Variants in PARD3B observed in about 807,000 individuals in gnomAD.
The protein encoded by PARD3B is partitioning defective 3 homolog B.
PARD3B carries 103 observed loss-of-function variants against 130.2 expected under a neutral mutation model. The observed-to-expected ratio is 0.79, with a 90% confidence interval of 0.67 to 0.93. The LOEUF (loss-of-function observed/expected upper bound fraction) is 0.93, where lower values mean the gene tolerates loss of function less well. Ranked by LOEUF, PARD3B falls within the 40% of genes least tolerant of loss-of-function variation. The pLI is 0.00. For missense variants in PARD3B, 1,609 were observed against 1,499.2 expected, an observed-to-expected ratio of 1.07 and a Z score of -1.21; for synonymous variants, 583 against 553.2, an observed-to-expected ratio of 1.05 and a Z score of -0.76.
At chr2:204,876,840 C>T (rs1006440853) in intron 2 of PARD3B, among the ~76,000 whole-genome samples, 5 of 152,156 alleles carry the variant, frequency 3.3e-5, no homozygotes, top group South Asian at 2.1e-4. Context: ...TAAATCAAAG[C>T]GCTCCACTGT....
In PARD3B at chr2:205,461,262, T is replaced by A. The variant is rs541750557; in HGVS notation, c.3044+20590T>A. Reference sequence around the variant, plus strand: ...GCTGAAAGAGGCATGAAAGGCACTCTGGGCAGAGGAGCAGCATGGGGGATG... The same window carrying A: ...GCTGAAAGAGGCATGAAAGGCACTCAGGGCAGAGGAGCAGCATGGGGGATG... On this transcript the variant is annotated intron_variant, in intron 20 of 22. Transcript: ENST00000406610. This position sits in a 1 kb window ranked among gnomAD's most constrained non-coding sequence, Gnocchi z 4.3. 1.3e-5 allele frequency among the ~76,000 whole-genome samples: 2 copies of A among 152,268 alleles called. No individual in the cohort carries two copies. The highest frequency in any genetic ancestry group is 4.1e-4 in the South Asian group (2 of 4,824).
At chr2:204,691,454 A>G (rs186593611) in intron 2 of PARD3B, among the ~76,000 whole-genome samples, 8 of 152,170 alleles carry the variant, frequency 5.3e-5, no homozygotes, top group Non-Finnish European at 8.8e-5. Flanking sequence ...TGCCCACTGG[A>G]TCACATGTGA....
chr2:205,102,514 G>C (rs950516965), intron 4 of PARD3B, among the ~76,000 whole-genome samples: 9 of 151,890 alleles, frequency 5.9e-5, no homozygotes, highest in South Asian at 2.1e-4. Flanking sequence ...GAATGTTTGA[G>C]AGCTTTCAAA....
At position 205,021,625 on chromosome 2, in the gene PARD3B, T is replaced by C. The variant is rs867503505; in HGVS notation, c.395-25956T>C. ...CTCTCTCTCTCTCTCTCTCTCCCTC[T>C]CTCTTTCTCTCTCTCTCTCTCTCTC... On this transcript the variant is annotated intron_variant, in intron 3 of 22. Transcript: ENST00000406610. This position sits in a 1 kb window ranked among gnomAD's most constrained non-coding sequence, Gnocchi z 4.5. Among the ~76,000 whole-genome samples the C allele has an allele frequency of 3.2e-5, 4 of 126,152 alleles. No individual in the cohort carries two copies. Among genetic ancestry groups the C allele is most frequent in the Admixed American group, 8.9e-5 (1 of 11,186 alleles). The allele number at this position is 126,152 out of a possible 152,430, so 82.8% of individuals were successfully genotyped here. A position where few individuals can be genotyped will look rare whatever the true frequency, so the allele number is the denominator to read the frequency against.
At position 204,677,464 on chromosome 2, in the gene PARD3B, C is replaced by T. The variant is rs867395189; in HGVS notation, c.121-8717C>T. On this transcript the variant is annotated intron_variant, in intron 1 of 22. Transcript: ENST00000406610. The surrounding 1 kb of genome is among the most constrained non-coding windows in gnomAD (Gnocchi z 4.1). ...GCAAAGTGTTTTCCTTTTTGTTCTC[C>T]AATTTAGACAAGCCTCAATTAATTC... 2.0e-5 allele frequency among the ~76,000 whole-genome samples: 3 copies of T among 152,136 alleles called. No individual in the cohort carries two copies. The highest frequency in any genetic ancestry group is 3.8e-4 in the East Asian group (2 of 5,198).
At chr2:205,136,635 C>T (rs1025575244) in intron 10 of PARD3B, among the ~76,000 whole-genome samples, 1 of 152,140 alleles carries the variant, frequency 6.6e-6, no homozygotes, top group Non-Finnish European at 1.5e-5. Flanking sequence ...TCTTTAGACC[C>T]TTGACTTCCC....
At chr2:204,962,994 A>G (rs1016566438) in intron 2 of PARD3B, among the ~76,000 whole-genome samples, 1 of 152,244 alleles carries the variant, frequency 6.6e-6, no homozygotes, top group African/African-American at 2.4e-5. Context: ...TGGAATTCAC[A>G]TTCTTTAGGG....
intron 2 of PARD3B, among the ~76,000 whole-genome samples, chr2:204,722,315 C>G (rs2039033298): frequency 6.6e-6 from 1 of 152,162 alleles, no homozygotes; most frequent in African/African-American, 2.4e-5. Flanking sequence ...AATGGCATAA[C>G]AATAAATGTC....
chr2:205,455,737 C>A (rs1163029714), intron 20 of PARD3B, among the ~76,000 whole-genome samples: 1 of 151,866 alleles, frequency 6.6e-6, no homozygotes, highest in Non-Finnish European at 1.5e-5. Flanking sequence ...GTTCCTTGTA[C>A]CCTTCACCCA....
At chr2:204,847,688 A>G (rs10932088) in intron 2 of PARD3B, among the ~76,000 whole-genome samples, 42,122 of 152,082 alleles carry the variant, frequency 0.28, 10,999 homozygotes, top group African/African-American at 0.69. Context: ...CAGCTGTGGT[A>G]GTACTTCAGT....
chr2:204,553,695 T>TATATAC (rs1372888110), intron 1 of PARD3B, among the ~76,000 whole-genome samples: 29 of 90,708 alleles, frequency 3.2e-4, no homozygotes, highest in African/African-American at 9.3e-4. Flanking sequence ...TATATATATA[T>TATATAC]ACACACATAT....
At chr2:205,581,305 TAG>T (rs954998052) in intron 22 of PARD3B, among the ~76,000 whole-genome samples, 2 of 148,186 alleles carry the variant, frequency 1.3e-5, no homozygotes, top group African/African-American at 4.9e-5. Flanking sequence ...TATAGATAGA[TAG>T]ATAGATCCTG....
chr2:205,101,911 T>A (rs1046607350), intron 4 of PARD3B, among the ~76,000 whole-genome samples: 2 of 152,302 alleles, frequency 1.3e-5, no homozygotes, highest in East Asian at 3.9e-4. Flanking sequence ...TTGAGGTTTC[T>A]TTTTGGGGTG....
At chr2:204,591,325 A>C (rs1016021098) in intron 1 of PARD3B, among the ~76,000 whole-genome samples, 1 of 152,224 alleles carries the variant, frequency 6.6e-6, no homozygotes, top group Non-Finnish European at 1.5e-5. Context: ...CATGGATTTG[A>C]AATGAGCATC....
intron 15 of PARD3B, among the ~76,000 whole-genome samples, chr2:205,210,255 A>C (rs1271705636): frequency 6.6e-6 from 1 of 151,868 alleles, no homozygotes. Flanking sequence ...ATAAAAAGAA[A>C]ATCAGCTTTA....
At chr2:205,537,010 C>A (rs1187009570) in intron 21 of PARD3B, among the ~76,000 whole-genome samples, 1 of 152,150 alleles carries the variant, frequency 6.6e-6, no homozygotes, top group Non-Finnish European at 1.5e-5. Context: ...ATAAGAAGTT[C>A]TTTGCAATAT....
chr2:204,596,928 CTCTCTCTCTCTATCTG>C (rs1453006498), intron 1 of PARD3B, among the ~76,000 whole-genome samples: 3 of 151,748 alleles, frequency 2.0e-5, no homozygotes, highest in South Asian at 4.2e-4. Context: ...CTCTCTCTCT[CTCTCTCTCTCTATCTG>C]TCTCTCTCTC....
At chr2:205,035,557 A>G (rs10166926) in intron 3 of PARD3B, among the ~76,000 whole-genome samples, 149,764 of 151,718 alleles carry the variant, frequency 0.99, 73,933 homozygotes, top group Middle Eastern at 1. Flanking sequence ...TACTTACAGT[A>G]CTGGTGCAAA....
chr2:205,047,496 A>T, intron 3 of PARD3B, 85 bp from the exon 4 acceptor site: 1 of 732,114 alleles, frequency 1.4e-6, no homozygotes, highest in Non-Finnish European at 2.2e-6. Flanking sequence ...CCTGTTGTAA[A>T]CCTTTTAAAT....
Sources: allele counts gnomAD v4.1 joint callset (sites outside exome capture counted in the v4.1 genomes callset), GRCh38; gene constraint gnomAD v4.1.1; non-coding constraint Gnocchi (gnomAD v3.1); transcripts MANE v1.5; gene names NCBI Gene and HGNC (gene_info 2026-07-23, HGNC 2026-07-21).